The following ZNF618 variants were observed in gnomAD, a reference collection of about 807,000 sequenced individuals.
ZNF618 encodes the protein zinc finger protein 618, also known as neural precursor cell expressed, developmentally down-regulated 10.
Under a neutral mutation model 103.0 loss-of-function variants are expected in ZNF618, and 34 were observed. The ratio of observed to expected loss-of-function variants is 0.33; its 90% CI spans 0.25 to 0.44. The LOEUF (loss-of-function observed/expected upper bound fraction) is 0.44. ZNF618 is among the 20% of genes least tolerant of loss of function. The pLI, the probability that ZNF618 is intolerant of heterozygous loss-of-function variation, is 1.00. For synonymous variants in ZNF618, 551 were observed against 542.2 expected (o/e 1.02, Z -0.23); for missense variants, 1,059 against 1,295.4 (o/e 0.82, Z 2.80).
At chr9:113,930,500 A>G (rs890799452) in intron 1 of ZNF618, among the ~76,000 whole-genome samples, 2 of 152,174 alleles carry the variant, frequency 1.3e-5, no homozygotes, top group Non-Finnish European at 1.5e-5. Context: ...CCTTGAATGG[A>G]TAAGAAATTA....
At chr9:113,970,264 C>T (rs1167524889) in intron 2 of ZNF618, among the ~76,000 whole-genome samples, 4 of 151,898 alleles carry the variant, frequency 2.6e-5, no homozygotes, top group Non-Finnish European at 5.9e-5. Flanking sequence ...GCAAGTGTTC[C>T]TTGGAACATA....
At chr9:113,893,139 C>A (rs895522204) in intron 1 of ZNF618, among the ~76,000 whole-genome samples, 2 of 152,178 alleles carry the variant, frequency 1.3e-5, no homozygotes, top group Non-Finnish European at 2.9e-5. Context: ...GCATCAATGC[C>A]ATTATAGATA....
intron 1 of ZNF618, among the ~76,000 whole-genome samples, chr9:113,934,997 G>A (rs1833910603): frequency 1.3e-5 from 2 of 152,198 alleles, no homozygotes; most frequent in African/African-American, 4.8e-5. Flanking sequence ...TCCCTCACAA[G>A]CCTGGCTGTC....
chr9:113,910,894 A>G (rs7862623), intron 1 of ZNF618, among the ~76,000 whole-genome samples: 11,659 of 151,698 alleles, frequency 0.077, 805 homozygotes, highest in East Asian at 0.3. Flanking sequence ...GCAGTGGCAC[A>G]ATCTCAGCTC....
intron 4 of ZNF618, among the ~76,000 whole-genome samples, chr9:113,999,405 G>T (rs944442322): frequency 6.6e-6 from 1 of 152,126 alleles, no homozygotes; most frequent in African/African-American, 2.4e-5. Flanking sequence ...GCTGCATGAG[G>T]GGCAGGCTCA....
chr9:113,983,499 T>C (rs1170483000), intron 2 of ZNF618, among the ~76,000 whole-genome samples: 4 of 152,194 alleles, frequency 2.6e-5, no homozygotes, highest in Non-Finnish European at 4.4e-5. Flanking sequence ...CCGTGGGTGA[T>C]AGAGGGTGGC....
intron 3 of ZNF618, among the ~76,000 whole-genome samples, chr9:113,992,232 C>G (rs1200664501): frequency 2.6e-5 from 4 of 152,130 alleles, no homozygotes; most frequent in African/African-American, 9.7e-5. Flanking sequence ...GGCAGTGGAG[C>G]TATGCATGCT....
chr9:113,989,790 T>C (rs75053773), intron 3 of ZNF618, among the ~76,000 whole-genome samples: 3,729 of 152,332 alleles, frequency 0.024, 127 homozygotes, highest in African/African-American at 0.079. Context: ...AAACTCCCTT[T>C]GCCAGCTGTT....
intron 13 of ZNF618, among the ~76,000 whole-genome samples, chr9:114,042,788 C>G (rs141808408): frequency 6.6e-6 from 1 of 152,294 alleles, no homozygotes; most frequent in Non-Finnish European, 1.5e-5. Context: ...ATGATGGTGC[C>G]ACTGCACTCC....
intron 1 of ZNF618, among the ~76,000 whole-genome samples, chr9:113,968,352 T>C (rs1437877981): frequency 6.6e-6 from 1 of 152,224 alleles, no homozygotes; most frequent in Non-Finnish European, 1.5e-5. Context: ...ATTTCAGACC[T>C]GTATTATCCT....
intron 1 of ZNF618, among the ~76,000 whole-genome samples, chr9:113,922,429 T>C (rs941492309): frequency 6.6e-6 from 1 of 151,170 alleles, no homozygotes; most frequent in East Asian, 1.9e-4. Context: ...TCCTAAGTTA[T>C]GTACACTGGC....
intron 1 of ZNF618, among the ~76,000 whole-genome samples, chr9:113,965,923 G>A (rs1338745654): frequency 6.6e-6 from 1 of 152,182 alleles, no homozygotes; most frequent in Non-Finnish European, 1.5e-5. Context: ...CCTTCGGGCT[G>A]TGTGGTCTGG....
intron 10 of ZNF618, 30 bp downstream of exon 10, chr9:114,016,814 G>A (rs763113503): frequency 1.3e-5 from 21 of 1,579,822 alleles, no homozygotes; most frequent in Non-Finnish European, 1.8e-5. Context: ...AGGGATGGGG[G>A]TTGGGGGACC....
At chr9:114,021,411 T>C (rs1843055943) in intron 10 of ZNF618, among the ~76,000 whole-genome samples, 1 of 152,198 alleles carries the variant, frequency 6.6e-6, no homozygotes, top group South Asian at 2.1e-4. Context: ...TATCTAAAAT[T>C]CTTCAGGATT....
chr9:114,050,443 C>CAA lies in ZNF618; in HGVS notation c.*277_*278insAA. On this transcript the variant is annotated 3_prime_UTR_variant, in exon 15 of 15. Coordinates refer to ENST00000374126, the MANE Select transcript of ZNF618 (RefSeq NM_001318042.2). Reference sequence around the variant, plus strand: ...TGGCCAGAGAAACTTTGCACACACGCACACACACACACACACACACACACA... The same window carrying CAA: ...TGGCCAGAGAAACTTTGCACACACGCAAACACACACACACACACACACACACA... 1 of 61,722 alleles carries CAA rather than the reference C, an allele frequency of 1.6e-5. No homozygotes were observed. Among genetic ancestry groups the CAA allele is most frequent in the Non-Finnish European group, 3.0e-5 (1 of 32,818 alleles). 3.8% of individuals were successfully genotyped at this position (61,722 alleles called of 1,614,324 possible).
intron 1 of ZNF618, among the ~76,000 whole-genome samples, chr9:113,930,490 C>T (rs1477692639): frequency 9.9e-5 from 15 of 152,134 alleles, no homozygotes; most frequent in Admixed American, 9.8e-4. Context: ...GCAGGCTTGT[C>T]CTTGAATGGA....
At chr9:113,956,209 CAAAAAAAAAAA>C (rs10537910) in intron 1 of ZNF618, among the ~76,000 whole-genome samples, 31 of 44,568 alleles carry the variant, frequency 7.0e-4, no homozygotes, top group Admixed American at 5.4e-3. Context: ...AACTCTGTCT[CAAAAAAAAAAA>C]AAAAAAAAAA....
At chr9:113,924,731 C>T (rs551082758) in intron 1 of ZNF618, among the ~76,000 whole-genome samples, 4 of 151,754 alleles carry the variant, frequency 2.6e-5, no homozygotes, top group East Asian at 1.9e-4. Flanking sequence ...TTTTCATTTT[C>T]GCTTAGTTCA....
intron 1 of ZNF618, among the ~76,000 whole-genome samples, chr9:113,960,723 G>A (rs1836764072): frequency 6.6e-6 from 1 of 152,220 alleles, no homozygotes; most frequent in Non-Finnish European, 1.5e-5. Flanking sequence ...CGGAGAAGAT[G>A]CCTAGACCTG....
Sources: allele counts gnomAD v4.1 joint callset (sites outside exome capture counted in the v4.1 genomes callset), GRCh38; gene constraint gnomAD v4.1.1; transcripts MANE v1.5; gene names NCBI Gene and HGNC (gene_info 2026-07-23, HGNC 2026-07-21).